EXOC4: variants seen among roughly 807,000 people sequenced by gnomAD.
The protein encoded by EXOC4 is exocyst complex component 4.
In EXOC4, 71 loss-of-function variants were observed where a neutral mutation model predicts 107.2. The observed-to-expected ratio is 0.66, with a 90% CI of 0.55 to 0.81. The LOEUF is 0.81. EXOC4 is among the 30% of genes least tolerant of loss of function. EXOC4 has a pLI of 0.00. For synonymous variants in EXOC4, 456 were observed against 441.2 expected (o/e 1.03, Z -0.42); for missense variants, 1,108 against 1,189.6 (o/e 0.93, Z 1.01).
chr7:133,551,363 A>AT (rs560148272), intron 9 of EXOC4, among the ~76,000 whole-genome samples: 39 of 150,074 alleles, frequency 2.6e-4, no homozygotes, highest in Middle Eastern at 3.4e-3. Context: ...TTGTCATTTG[A>AT]TTTTTTTTTT....
chr7:134,070,305 T>C (rs894321700), downstream of EXOC4, among the ~76,000 whole-genome samples: 1 of 58,018 alleles, frequency 1.7e-5, no homozygotes, highest in African/African-American at 1.9e-4. Context: ...AAATGGAGGG[T>C]GTAATGAACT....
intron 10 of EXOC4, among the ~76,000 whole-genome samples, chr7:133,720,502 G>A (rs981129272): frequency 1.3e-5 from 2 of 151,992 alleles, no homozygotes; most frequent in East Asian, 1.9e-4. Flanking sequence ...TCTTATTTTG[G>A]GGGTATTTTA....
At chr7:133,710,356 T>C (rs1450518639) in intron 10 of EXOC4, among the ~76,000 whole-genome samples, 2 of 152,080 alleles carry the variant, frequency 1.3e-5, no homozygotes, top group African/African-American at 2.4e-5. Context: ...CAGAAACTAG[T>C]TGTGATAAAA....
At chr7:133,936,545 T>C (rs1237541080) in intron 13 of EXOC4, among the ~76,000 whole-genome samples, 2 of 152,222 alleles carry the variant, frequency 1.3e-5, no homozygotes, top group Non-Finnish European at 2.9e-5. Flanking sequence ...CAGAAAACTC[T>C]CCAGGTGCCT....
intron 10 of EXOC4, among the ~76,000 whole-genome samples, chr7:133,772,068 G>A (rs7804799): frequency 0.012 from 1,795 of 152,030 alleles, 35 homozygotes; most frequent in African/African-American, 0.041. Flanking sequence ...TGAAGGACAG[G>A]AGAAGTCACC....
intron 9 of EXOC4, among the ~76,000 whole-genome samples, chr7:133,512,991 G>A (rs1231165561): frequency 2.6e-5 from 4 of 151,982 alleles, no homozygotes; most frequent in African/African-American, 9.7e-5. Context: ...TGTAGTTTCA[G>A]CTACTTGGGA....
rs544702150 is a variant in EXOC4 at position 133,781,451 on chromosome 7, G to A, written c.1515-35874G>A. On this transcript the variant is annotated intron_variant, in intron 10 of 17. Coordinates refer to ENST00000253861, the MANE Select transcript of EXOC4 (RefSeq NM_021807.4). ...AGACCTGAGTTTGGAATCTGGCTCC[G>A]CCACTTACTAGTTGTGTTTCCTTGA... 3.9e-5 allele frequency among the ~76,000 whole-genome samples: 6 copies of A among 152,356 alleles called. No homozygotes were observed. The East Asian group carries it at 1.2e-3, about 29-fold the overall frequency.
downstream of EXOC4, among the ~76,000 whole-genome samples, chr7:134,069,926 G>T (rs1461605570): frequency 6.6e-6 from 1 of 152,226 alleles, no homozygotes; most frequent in African/African-American, 2.4e-5. Context: ...CAATGAGAGA[G>T]ACCAGGGGCC....
intron 10 of EXOC4, among the ~76,000 whole-genome samples, chr7:133,670,773 A>G (rs1380658676): frequency 6.6e-6 from 1 of 152,196 alleles, no homozygotes; most frequent in Non-Finnish European, 1.5e-5. Flanking sequence ...TACCACCATG[A>G]TGTAATAAGT....
At chr7:133,771,989 T>G (rs967602684) in intron 10 of EXOC4, among the ~76,000 whole-genome samples, 1 of 152,004 alleles carries the variant, frequency 6.6e-6, no homozygotes, top group African/African-American at 2.4e-5. Context: ...ATGTGTTTTA[T>G]AATGACAGTT....
intron 14 of EXOC4, among the ~76,000 whole-genome samples, chr7:133,969,550 T>C (rs1801152665): frequency 6.6e-6 from 1 of 152,218 alleles, no homozygotes. Context: ...TTATTGATGT[T>C]GATGCTATTC....
intron 11 of EXOC4, among the ~76,000 whole-genome samples, chr7:133,879,002 G>A (rs1156237832): frequency 6.6e-6 from 1 of 152,206 alleles, no homozygotes; most frequent in Non-Finnish European, 1.5e-5. Flanking sequence ...TCGGATTACA[G>A]GGGTGAGCCA....
intron 3 of EXOC4, among the ~76,000 whole-genome samples, chr7:133,294,223 T>A (rs970374303): frequency 1.3e-5 from 2 of 152,212 alleles, no homozygotes; most frequent in African/African-American, 4.8e-5. Context: ...CCCAGTGGCA[T>A]GAGCCAACCA....
chr7:133,791,920 ATTC>A, intron 10 of EXOC4, among the ~76,000 whole-genome samples: 1 of 152,288 alleles, frequency 6.6e-6, no homozygotes, highest in Non-Finnish European at 1.5e-5. Flanking sequence ...TCTCACTTTT[ATTC>A]TTACGTCTAA....
chr7:133,743,481 G>A (rs1795610709), intron 10 of EXOC4, among the ~76,000 whole-genome samples: 1 of 152,164 alleles, frequency 6.6e-6, no homozygotes, highest in African/African-American at 2.4e-5. Flanking sequence ...GTTGGTACCT[G>A]TTTCATGTCA....
chr7:133,322,827 G>A (rs992294501), intron 5 of EXOC4, among the ~76,000 whole-genome samples: 1 of 152,102 alleles, frequency 6.6e-6, no homozygotes, highest in Admixed American at 6.5e-5. Flanking sequence ...CCATTTTCAC[G>A]ACATTGATTC....
intron 5 of EXOC4, among the ~76,000 whole-genome samples, chr7:133,322,021 T>TGA (rs752462249): frequency 2.6e-5 from 4 of 152,250 alleles, no homozygotes; most frequent in Non-Finnish European, 5.9e-5. Flanking sequence ...TGTCTTCTTT[T>TGA]GAGAAGTGTC....
In EXOC4 at chr7:133,823,895, T is replaced by TATATA. The variant is rs1329511518; in HGVS notation, c.1734+6351_1734+6352insATATA. Among the ~76,000 whole-genome samples the TATATA allele has an allele frequency of 1.1e-4, 2 of 17,874 alleles. 1 individual carries two copies. The highest frequency in any genetic ancestry group is 1.5e-3 in the African/African-American group (2 of 1,352). 11.7% of individuals were successfully genotyped at this position (17,874 alleles called of 152,430 possible). A position where few individuals can be genotyped will look rare whatever the true frequency, so the allele number is the denominator to read the frequency against. On this transcript the variant is annotated intron_variant, in intron 11 of 17. Coordinates refer to ENST00000253861, the MANE Select transcript of EXOC4 (RefSeq NM_021807.4). ...TATTATATATATATATATATATATTTTATATATATATATATAAATATATAT... is the reference window on the plus strand; with the variant it reads ...TATTATATATATATATATATATATTTATATATATATATATATATATAAATATATAT...
At chr7:133,868,920 C>T (rs720598) in intron 11 of EXOC4, among the ~76,000 whole-genome samples, 3,162 of 152,172 alleles carry the variant, frequency 0.021, 127 homozygotes, top group African/African-American at 0.072. Flanking sequence ...ATTCTCCCCT[C>T]GATAACATCT....
Sources: allele counts gnomAD v4.1 joint callset (sites outside exome capture counted in the v4.1 genomes callset), GRCh38; gene constraint gnomAD v4.1.1; transcripts MANE v1.5; gene names NCBI Gene and HGNC (gene_info 2026-07-23, HGNC 2026-07-21).